The following TACC1 variants were observed in gnomAD, a reference collection of about 807,000 sequenced individuals.
TACC1 encodes transforming acidic coiled-coil containing protein 1, also known as transforming acidic coiled-coil-containing protein 1.
Under a neutral mutation model 84.4 loss-of-function variants are expected in TACC1, and 48 were observed. The ratio of observed to expected loss-of-function variants is 0.57; its 90% CI spans 0.45 to 0.72. The LOEUF (loss-of-function observed/expected upper bound fraction) is 0.72, where lower values mean the gene tolerates loss of function less well. Ranked by LOEUF, TACC1 falls within the 30% of genes least tolerant of loss-of-function variation. The pLI, the probability that TACC1 is intolerant of heterozygous loss-of-function variation, is 0.00. For missense variants in TACC1, 920 were observed against 973.0 expected (o/e 0.95, Z 0.72); for synonymous variants, 372 against 376.3 (o/e 0.99, Z 0.13).
At chr8:38,846,595 G>A (rs921353027) in intron 11 of TACC1, 104 bp from the exon 12 acceptor site, 1 of 1,367,682 alleles carries the variant, frequency 7.3e-7, no homozygotes, top group African/African-American at 1.5e-5. Flanking sequence ...AATTCTTTGA[G>A]GCCTGTGCCT....
At chr8:38,842,940 A>T (rs1475577512) in intron 10 of TACC1, among the ~76,000 whole-genome samples, 2 of 152,260 alleles carry the variant, frequency 1.3e-5, no homozygotes, top group African/African-American at 2.4e-5. Context: ...AGACACAATT[A>T]TAGCAATGAA....
chr8:38,743,010 C>T (rs1356650547), intron 2 of TACC1, among the ~76,000 whole-genome samples: 4 of 152,268 alleles, frequency 2.6e-5, no homozygotes, highest in Non-Finnish European at 5.9e-5. Context: ...CCACTGCACC[C>T]AGCCAACTTA....
chr8:38,779,991 T>C (rs1405029562), intron 3 of TACC1, among the ~76,000 whole-genome samples: 1 of 152,238 alleles, frequency 6.6e-6, no homozygotes, highest in Non-Finnish European at 1.5e-5. Context: ...CCTTAGGTAA[T>C]AACAATACTA....
In TACC1 at chr8:38,764,689, G is replaced by T. The variant is rs755727122; in HGVS notation, c.26+19196G>T. ...CTAGGAAAATGCTAAGGTCTTGGCCGTGCGCAGTGGCTCATGCCTGTAATC... is the reference window on the plus strand; with the variant it reads ...CTAGGAAAATGCTAAGGTCTTGGCCTTGCGCAGTGGCTCATGCCTGTAATC... On this transcript the variant is annotated intron_variant, in intron 3 of 14. Coordinates refer to the TACC1 transcript ENST00000518415. 3.9e-5 allele frequency among the ~76,000 whole-genome samples: 6 copies of T among 152,234 alleles called. No individual in the cohort carries two copies. In the East Asian group the frequency reaches 1.2e-3, roughly 30 times the overall value.
intron 2 of TACC1, among the ~76,000 whole-genome samples, chr8:38,807,412 A>G (rs115440599): frequency 3.9e-5 from 6 of 152,308 alleles, no homozygotes; most frequent in Non-Finnish European, 7.3e-5. Context: ...TTTCTCAATT[A>G]TATGTCAGCT....
chr8:38,733,926 A>G (rs1234145477), intron 1 of TACC1, among the ~76,000 whole-genome samples: 1 of 152,112 alleles, frequency 6.6e-6, no homozygotes, highest in Non-Finnish European at 1.5e-5. Flanking sequence ...AGTTTTTTAA[A>G]ATGTTGGAAT....
At chr8:38,826,509 A>G (rs1224409074) in intron 4 of TACC1, among the ~76,000 whole-genome samples, 1 of 152,164 alleles carries the variant, frequency 6.6e-6, no homozygotes, top group Admixed American at 6.5e-5. Context: ...TCTCCAGCAG[A>G]AAAAATTTTA....
At chr8:38,831,025 T>C (rs1829111548) in intron 5 of TACC1, 100 bp from the exon 6 acceptor site, 1 of 1,004,882 alleles carries the variant, frequency 1.0e-6, no homozygotes, top group African/African-American at 1.6e-5. Flanking sequence ...CATGTGTTCA[T>C]AAGTCATTCT....
chr8:38,808,586 T>G (rs1165156229), intron 2 of TACC1, among the ~76,000 whole-genome samples: 2 of 152,154 alleles, frequency 1.3e-5, no homozygotes, highest in Admixed American at 6.5e-5. Context: ...CTAATTTACT[T>G]TTATTTTTTG....
At chr8:38,784,073 C>T (rs976674549), upstream of TACC1, among the ~76,000 whole-genome samples, 10 of 152,148 alleles carry the variant, frequency 6.6e-5, no homozygotes, top group Non-Finnish European at 1.0e-4. Context: ...GGCAATGGCA[C>T]GTCTTCACTG....
chr8:38,845,172 G>A (rs142013158), intron 11 of TACC1, among the ~76,000 whole-genome samples: 55 of 152,288 alleles, frequency 3.6e-4, no homozygotes, highest in African/African-American at 1.2e-3. Context: ...TGATCCGCCC[G>A]CCTCGGTCTC....
intron 11 of TACC1, 143 bp downstream of exon 11, chr8:38,843,538 T>G (rs761375413): frequency 9.0e-5 from 46 of 510,136 alleles, no homozygotes; most frequent in Non-Finnish European, 1.5e-4. Context: ...TTCCCATTGT[T>G]AAAACATTAA....
At chr8:38,822,245 T>TAAAAAA (rs139176772) in intron 3 of TACC1, among the ~76,000 whole-genome samples, 3 of 119,016 alleles carry the variant, frequency 2.5e-5, no homozygotes, top group East Asian at 2.4e-4. Flanking sequence ...ACCCTGTCTT[T>TAAAAAA]AAAAAAAAAA....
Position 38,848,121 on chromosome 8 carries a change from G to GAAA in TACC1, c.*107_*109dup. On this transcript the variant is annotated 3_prime_UTR_variant, in exon 13 of 13. Coordinates refer to ENST00000317827, the MANE Select transcript of TACC1 (RefSeq NM_006283.3). ...CCAGGAATAATTGCCCCTTTGCAGA[G>GAAA]AAAAAAAAAAACTTAAAAAAAGCAC... 12 of 973,984 alleles carry GAAA rather than the reference G, an allele frequency of 1.2e-5. No individual in the cohort carries two copies. Among genetic ancestry groups the GAAA allele is most frequent in the Admixed American group, 3.0e-5 (1 of 32,876 alleles). 60.3% of individuals were successfully genotyped at this position (973,984 alleles called of 1,614,324 possible). A position where few individuals can be genotyped will look rare whatever the true frequency, so the allele number is the denominator to read the frequency against.
chr8:38,840,334 T>G, intron 9 of TACC1, 67 bp downstream of exon 9: 3 of 1,382,076 alleles, frequency 2.2e-6, no homozygotes, highest in Non-Finnish European at 3.1e-6. Context: ...TTCAGCCTGG[T>G]ATAACAAAAT....
At position 38,792,597 on chromosome 8, in the gene TACC1, C is replaced by G. The variant is rs530066784; in HGVS notation, c.277+3778C>G. On this transcript the variant is annotated intron_variant, in intron 2 of 12. Transcript: ENST00000317827. ...TCTTCTGCCTCAGCCTCCCAAGTAGCTAGGACCACAGGCGCCCACCACTAC... is the reference window on the plus strand; with the variant it reads ...TCTTCTGCCTCAGCCTCCCAAGTAGGTAGGACCACAGGCGCCCACCACTAC... Among the ~76,000 whole-genome samples the G allele has an allele frequency of 5.9e-5, 9 of 152,268 alleles. No homozygotes were observed. The East Asian group carries it at 1.7e-3, about 29-fold the overall frequency.
At chr8:38,844,212 A>T (rs1389839487) in intron 11 of TACC1, among the ~76,000 whole-genome samples, 1 of 152,076 alleles carries the variant, frequency 6.6e-6, no homozygotes, top group East Asian at 1.9e-4. Flanking sequence ...TCTCTCTGTC[A>T]CCCAGGCTGG....
At chr8:38,810,298 CT>C (rs963431764) in intron 2 of TACC1, among the ~76,000 whole-genome samples, 9 of 151,828 alleles carry the variant, frequency 5.9e-5, no homozygotes, top group Admixed American at 5.9e-4. Flanking sequence ...TTTAGGTAAA[CT>C]TTTTTTTAAA....
intron 3 of TACC1, among the ~76,000 whole-genome samples, chr8:38,769,259 GTGTGAC>G: frequency 6.8e-6 from 1 of 146,858 alleles, no homozygotes; most frequent in African/African-American, 2.5e-5. Context: ...GGTGTGGTGT[GTGTGAC>G]TACATGTGTA....
Sources: allele counts gnomAD v4.1 joint callset (sites outside exome capture counted in the v4.1 genomes callset), GRCh38; gene constraint gnomAD v4.1.1; transcripts MANE v1.5; gene names NCBI Gene and HGNC (gene_info 2026-07-23, HGNC 2026-07-21).